The following CYREN variants were observed in gnomAD, a reference collection of about 807,000 sequenced individuals.
The protein encoded by CYREN is cell cycle regulator of NHEJ, also known as cell cycle regulator of non-homologous end joining.
CYREN carries 7 observed loss-of-function variants against 9.7 expected under a neutral mutation model. The observed-to-expected ratio is 0.72, with a 90% CI of 0.41 to 1.36. The LOEUF is 1.36. Ranked by LOEUF, CYREN falls within the 40% of genes most tolerant of loss-of-function variation. CYREN has a pLI of 0.01. For missense variants in CYREN, 215 were observed against 198.1 expected (o/e 1.09, Z -0.51); for synonymous variants, 76 against 77.9 (o/e 0.98, Z 0.13).
chr7:135,101,887 G>A (rs1823883283), intron 2 of CYREN, among the ~76,000 whole-genome samples: 1 of 152,052 alleles, frequency 6.6e-6, no homozygotes, highest in South Asian at 2.1e-4. Flanking sequence ...GAATCATGGA[G>A]GCGGCGTCCC....
intron 2 of CYREN, among the ~76,000 whole-genome samples, chr7:135,124,506 G>C (rs532150935): frequency 6.6e-6 from 1 of 152,246 alleles, no homozygotes; most frequent in South Asian, 2.1e-4. Flanking sequence ...AAATTAACAA[G>C]GATATTCAGG....
intron 2 of CYREN, among the ~76,000 whole-genome samples, chr7:135,106,753 C>T (rs1465375799): frequency 1.3e-5 from 2 of 152,140 alleles, no homozygotes; most frequent in African/African-American, 2.4e-5. Context: ...GGAGTCCCTC[C>T]TCCTCAGCTT....
At chr7:135,116,969 A>ACC (rs1163871897) in intron 2 of CYREN, among the ~76,000 whole-genome samples, 1 of 152,142 alleles carries the variant, frequency 6.6e-6, no homozygotes, top group African/African-American at 2.4e-5. Context: ...CAAAAAGAAA[A>ACC]CCCAGGAGAC....
chr7:135,149,608 C>T (rs1426139035), intron 2 of CYREN, among the ~76,000 whole-genome samples: 1 of 152,126 alleles, frequency 6.6e-6, no homozygotes, highest in African/African-American at 2.4e-5. Flanking sequence ...AATCTGCCTC[C>T]CTGAAAGTTT....
chr7:135,166,868 G>A lies in CYREN; in HGVS notation c.217C>T (p.Arg73Cys), dbSNP rs183248372. 2.0e-5 allele frequency: 32 copies of A among 1,612,680 alleles called. No individual in the cohort carries two copies. The East Asian group carries it at 3.3e-4, about 17-fold the overall frequency. Residue 73 changes from arginine to cysteine, a missense_variant, in exon 4 of 4, where the codon CGC (arginine) becomes TGC (cysteine). Physicochemically the swap from Arg to Cys is radical, Grantham distance 180. Transcript: ENST00000393114. ...DVALGILIES[R>C]KQEKACEQPA... is the part of the protein sequence containing the mutation. ...TGCTCGCAGGCCTTTTCCTGTTTGC[G>A]GCTCTGTGGAGTACGGGAAAACGCA... is the stretch of plus-strand genomic sequence containing the variant.
intron 2 of CYREN, among the ~76,000 whole-genome samples, chr7:135,103,307 GA>G (rs571878663): frequency 5.2e-4 from 79 of 152,170 alleles, no homozygotes; most frequent in Non-Finnish European, 8.7e-4. Flanking sequence ...ATAGGTTTAA[GA>G]GGGAGTTCCT....
chr7:135,131,589 T>C (rs111577043), intron 2 of CYREN, among the ~76,000 whole-genome samples: 1 of 151,942 alleles, frequency 6.6e-6, no homozygotes, highest in Admixed American at 6.6e-5. Flanking sequence ...TAACTGCATA[T>C]GCTAAAAAAT....
intron 2 of CYREN, among the ~76,000 whole-genome samples, chr7:135,154,375 CTTTAT>C (rs746452456): frequency 5.3e-5 from 8 of 152,038 alleles, no homozygotes; most frequent in Non-Finnish European, 1.0e-4. Context: ...CTGCTCTGAT[CTTTAT>C]TTTTTCTTTT....
In CYREN at chr7:135,135,165, G is replaced by C. The variant is rs1350188768; in HGVS notation, n.356+33584C>G. On this transcript the variant is annotated intron_variant and non_coding_transcript_variant, in intron 2 of 2. Transcript: ENST00000459937. The stretch of plus-strand genomic sequence containing the variant: ...AAGAAACTAACCAGCAAAGCTCTAA[G>C]CATACAGCCCTCCATCTAACTAAAA... 1 of 1,551,044 alleles carries C rather than the reference G, an allele frequency of 6.4e-7. No homozygotes were observed. The highest frequency in any genetic ancestry group is 1.4e-5 in the African/African-American group (1 of 73,114).
At chr7:135,157,464 G>A (rs1187835009) in intron 2 of CYREN, among the ~76,000 whole-genome samples, 1 of 152,236 alleles carries the variant, frequency 6.6e-6, no homozygotes, top group Non-Finnish European at 1.5e-5. Context: ...GGCAACAGTG[G>A]GGTAAGTGTG....
chr7:135,102,626 T>G (rs948816186), intron 2 of CYREN, among the ~76,000 whole-genome samples: 15 of 38,148 alleles, frequency 3.9e-4, no homozygotes, highest in Admixed American at 2.0e-3. Context: ...TCTCTTGTGG[T>G]TTTTTTTTTT....
chr7:135,140,545 C>T (rs1384973524), intron 2 of CYREN, among the ~76,000 whole-genome samples: 1 of 152,030 alleles, frequency 6.6e-6, no homozygotes, highest in African/African-American at 2.4e-5. Flanking sequence ...ATTTGGACGC[C>T]TTTTATTTCT....
chr7:135,164,850 T>A, downstream of CYREN: 3 of 1,613,974 alleles, frequency 1.9e-6, no homozygotes, highest in Non-Finnish European at 2.5e-6. Context: ...CTTCCTCTCC[T>A]ATGTGTGGAA....
intron 2 of CYREN, among the ~76,000 whole-genome samples, chr7:135,150,208 T>C (rs1489049657): frequency 6.6e-6 from 1 of 152,206 alleles, no homozygotes; most frequent in African/African-American, 2.4e-5. Context: ...GCTGATCAAT[T>C]GCTTCAGTAT....
At chr7:135,139,977 G>A (rs752626071) in intron 2 of CYREN, among the ~76,000 whole-genome samples, 1 of 152,086 alleles carries the variant, frequency 6.6e-6, no homozygotes. Context: ...TTGTAGTATA[G>A]TTTGAAGTCA....
At chr7:135,167,607 A>G in intron 3 of CYREN, 125 bp downstream of exon 3, 1 of 1,497,486 alleles carries the variant, frequency 6.7e-7, no homozygotes, top group East Asian at 2.3e-5. Context: ...AGAGCAAGGG[A>G]AGTGGCAGGA....
chr7:135,135,156 AAGCTCTAAGCATAC>A, intron 2 of CYREN: 1 of 1,551,116 alleles, frequency 6.4e-7, no homozygotes, highest in Non-Finnish European at 8.7e-7. Context: ...CTAACCAGCA[AAGCTCTAAGCATAC>A]AGCCCTCCAT....
intron 2 of CYREN, among the ~76,000 whole-genome samples, chr7:135,121,081 T>C (rs537405952): frequency 1.3e-5 from 2 of 152,298 alleles, no homozygotes; most frequent in South Asian, 2.1e-4. Flanking sequence ...GTCTCATACC[T>C]GTAATCCCAG....
At chr7:135,103,186 C>A (rs4732090) in intron 2 of CYREN, among the ~76,000 whole-genome samples, 144,927 of 152,160 alleles carry the variant, frequency 0.95, 69,353 homozygotes, top group Non-Finnish European at 1. Context: ...CTTCACCTGC[C>A]TAGATTTTCT....
Sources: allele counts gnomAD v4.1 joint callset (sites outside exome capture counted in the v4.1 genomes callset), GRCh38; gene constraint gnomAD v4.1.1; transcripts MANE v1.5; gene names NCBI Gene and HGNC (gene_info 2026-07-23, HGNC 2026-07-21).